SYT14: variants seen among roughly 807,000 people sequenced by gnomAD.
SYT14 encodes synaptotagmin 14.
In SYT14, 32 loss-of-function variants were observed where a neutral mutation model predicts 74.2. That is an observed-to-expected ratio of 0.43 (90% CI 0.33 to 0.58). The LOEUF (loss-of-function observed/expected upper bound fraction) is 0.58. Among genes scored for constraint, SYT14 ranks in the 20% least tolerant of loss-of-function variants. SYT14 has a pLI of 0.05. For missense variants in SYT14, 791 were observed against 981.8 expected (o/e 0.81, Z 2.60); for synonymous variants, 298 against 337.7 (o/e 0.88, Z 1.29).
exon 10 of SYT14, chr1:210,162,740 A>G (rs1228373091): frequency 8.9e-6 from 4 of 448,238 alleles, no homozygotes; most frequent in African/African-American, 8.1e-5. Flanking sequence ...CTTAAAAGAA[A>G]CCCAAAAAGA....
At chr1:210,059,796 ATT>A (rs1274003948) in intron 5 of SYT14, among the ~76,000 whole-genome samples, 3 of 151,926 alleles carry the variant, frequency 2.0e-5, no homozygotes, top group Non-Finnish European at 4.4e-5. Context: ...AGAAATTTGG[ATT>A]GTTACATTCA....
At position 209,975,146 on chromosome 1, in the gene SYT14, C is replaced by T. The variant is rs925105837; in HGVS notation, c.-486+22390C>T. On this transcript the variant is annotated intron_variant, in intron 2 of 9. Coordinates refer to ENST00000637265, the Ensembl canonical transcript of SYT14. ...GTGGGGTTTTCTAGATATACAATCA[C>T]GTCATATGCAAACAGGGACAATTTG... Among the ~76,000 whole-genome samples the T allele has an allele frequency of 6.6e-5, 10 of 152,240 alleles. No homozygotes were observed. The East Asian group carries it at 7.7e-4, about 12-fold the overall frequency.
At chr1:210,074,208 C>T (rs1261174373) in intron 5 of SYT14, among the ~76,000 whole-genome samples, 1 of 152,198 alleles carries the variant, frequency 6.6e-6, no homozygotes, top group Non-Finnish European at 1.5e-5. Context: ...TTTACCGACA[C>T]TATGAAGCAC....
At chr1:210,124,813 C>CAA (rs1558205849) in intron 7 of SYT14, among the ~76,000 whole-genome samples, 4 of 151,742 alleles carry the variant, frequency 2.6e-5, no homozygotes, top group Non-Finnish European at 4.4e-5. Flanking sequence ...CACTGTGTTA[C>CAA]ATTTGATTGC....
At chr1:209,972,867 TGGTCAA>T in intron 2 of SYT14, among the ~76,000 whole-genome samples, 1 of 152,058 alleles carries the variant, frequency 6.6e-6, no homozygotes, top group African/African-American at 2.4e-5. Flanking sequence ...TAGGTTCAGT[TGGTCAA>T]GTATCAAACT....
chr1:210,153,509 A>ATTCC (rs1172308114), intron 7 of SYT14, among the ~76,000 whole-genome samples: 2 of 152,160 alleles, frequency 1.3e-5, no homozygotes, highest in Non-Finnish European at 2.9e-5. Flanking sequence ...TGTTACATTT[A>ATTCC]TTCCTACATA....
At chr1:210,001,184 T>G (rs1484992945) in intron 2 of SYT14, among the ~76,000 whole-genome samples, 1 of 152,174 alleles carries the variant, frequency 6.6e-6, no homozygotes, top group Non-Finnish European at 1.5e-5. Context: ...CATGAATTTT[T>G]TTGCTATATT....
At chr1:210,051,245 A>G (rs1161519949) in intron 5 of SYT14, among the ~76,000 whole-genome samples, 3 of 152,240 alleles carry the variant, frequency 2.0e-5, no homozygotes, top group Non-Finnish European at 4.4e-5. Context: ...AATCTATTAC[A>G]TAAAATTCAA....
At chr1:210,078,600 T>C (rs1480455905) in intron 5 of SYT14, among the ~76,000 whole-genome samples, 1 of 152,170 alleles carries the variant, frequency 6.6e-6, no homozygotes, top group Non-Finnish European at 1.5e-5. Context: ...TGGGTTCTGG[T>C]TCAAGAGTTT....
intron 2 of SYT14, among the ~76,000 whole-genome samples, chr1:209,968,437 T>C (rs539079142): frequency 2.6e-5 from 4 of 152,218 alleles, no homozygotes; most frequent in African/African-American, 9.6e-5. Context: ...ATATGGTAGA[T>C]ACTATATGAT....
At chr1:209,941,006 C>T (rs974007474) in intron 1 of SYT14, among the ~76,000 whole-genome samples, 1 of 152,142 alleles carries the variant, frequency 6.6e-6, no homozygotes, top group Admixed American at 6.5e-5. Context: ...TCTCTTTTAG[C>T]TTGACTACTC....
chr1:210,083,405 G>A (rs1558177746), intron 5 of SYT14, among the ~76,000 whole-genome samples: 2 of 152,140 alleles, frequency 1.3e-5, no homozygotes, highest in African/African-American at 4.8e-5. Context: ...ATCTGAAGGT[G>A]CAAAAGAAGA....
chr1:209,977,915 T>C (rs552297305), intron 2 of SYT14, among the ~76,000 whole-genome samples: 1 of 151,554 alleles, frequency 6.6e-6, no homozygotes, highest in African/African-American at 2.4e-5. Flanking sequence ...CTTTTTATTC[T>C]TTTTTCTCTA....
chr1:210,154,656 C>CT, intron 7 of SYT14, among the ~76,000 whole-genome samples: 1 of 152,066 alleles, frequency 6.6e-6, no homozygotes, highest in African/African-American at 2.4e-5. Flanking sequence ...TTTCAAATCA[C>CT]TTATTTTTAT....
intron 5 of SYT14, among the ~76,000 whole-genome samples, chr1:210,045,001 T>G (rs2080859133): frequency 6.6e-6 from 1 of 152,160 alleles, no homozygotes; most frequent in Non-Finnish European, 1.5e-5. Context: ...AGGCCCCACC[T>G]TCAACACTGG....
In SYT14 at chr1:210,055,130, C is replaced by T. The variant is rs369687037; in HGVS notation, c.1312+33876C>T. On this transcript the variant is annotated intron_variant, in intron 5 of 9. Transcript: ENST00000637265. ...GTTTCTCATCATATTCTGATTTTCA[C>T]ATGAGTCAAGAGATGAATAAGCTGT... 7.9e-5 allele frequency among the ~76,000 whole-genome samples: 12 copies of T among 152,308 alleles called. 1 individual carries two copies. The highest frequency in any genetic ancestry group is 2.6e-4 in the Admixed American group (4 of 15,288).
At chr1:210,080,445 A>C (rs937520696) in intron 5 of SYT14, among the ~76,000 whole-genome samples, 1 of 152,200 alleles carries the variant, frequency 6.6e-6, no homozygotes, top group Non-Finnish European at 1.5e-5. Context: ...GAATAGTCAC[A>C]CCTCTTGATA....
intron 2 of SYT14, among the ~76,000 whole-genome samples, chr1:209,962,378 G>A (rs1257183939): frequency 6.6e-6 from 1 of 151,628 alleles, no homozygotes; most frequent in Non-Finnish European, 1.5e-5. Flanking sequence ...TACATTGTAA[G>A]CTTTTTTTTT....
intron 5 of SYT14, among the ~76,000 whole-genome samples, chr1:210,051,655 T>C (rs1338809885): frequency 6.6e-6 from 1 of 152,196 alleles, no homozygotes; most frequent in East Asian, 1.9e-4. Context: ...TGTGTGTATA[T>C]GTATTTTTTC....
Sources: allele counts gnomAD v4.1 joint callset (sites outside exome capture counted in the v4.1 genomes callset), GRCh38; gene constraint gnomAD v4.1.1; transcripts MANE v1.5; gene names NCBI Gene and HGNC (gene_info 2026-07-23, HGNC 2026-07-21).